Variants in IGDCC4 observed in about 807,000 individuals in gnomAD.
The protein encoded by IGDCC4 is likely ortholog of mouse neighbor of Punc E11.
Under a neutral mutation model 116.6 loss-of-function variants are expected in IGDCC4, and 72 were observed. That is an observed-to-expected ratio of 0.62 (90% CI 0.51 to 0.75). The LOEUF is 0.75. Ranked by LOEUF, IGDCC4 falls within the 30% of genes least tolerant of loss-of-function variation. The pLI is 0.00. For missense variants in IGDCC4, 1,501 were observed against 1,662.4 expected (o/e 0.90, Z 1.69); for synonymous variants, 709 against 719.9 (o/e 0.98, Z 0.24).
rs1477620282 is a variant in IGDCC4, at chr15:65,384,730, G to T, written c.3342+224C>A. Reference sequence around the variant, plus strand: ...CACGGAACTGCTGTGGCCCACTTAGGTCTGGGTAGAGGAGGGGCTGTTTTC... The same window carrying T: ...CACGGAACTGCTGTGGCCCACTTAGTTCTGGGTAGAGGAGGGGCTGTTTTC... On this transcript the variant is annotated intron_variant, in intron 19 of 19. Coordinates refer to ENST00000352385, the MANE Select transcript of IGDCC4 (RefSeq NM_020962.3). The surrounding 1 kb of genome is among the most constrained non-coding windows in gnomAD (Gnocchi z 4.9). 4 of 584,900 alleles carry T rather than the reference G, an allele frequency of 6.8e-6. No homozygotes were observed. The East Asian group carries it at 1.3e-4, about 19-fold the overall frequency. The allele number at this position is 584,900 out of a possible 1,614,324, so 36.2% of individuals were successfully genotyped here. A position where few individuals can be genotyped will look rare whatever the true frequency, so the allele number is the denominator to read the frequency against.
In IGDCC4 at chr15:65,395,271, G is replaced by A. The variant is rs2062912198; in HGVS notation, c.1412-13C>T. ...ACATTGTCCATGCCTGGTGACACGG[G>A]GGACAAGGGGACTGTCATAGTGCCA... On this transcript the variant is annotated splice_polypyrimidine_tract_variant and intron_variant, in intron 7 of 19. Coordinates refer to ENST00000352385, the MANE Select transcript of IGDCC4 (RefSeq NM_020962.3). 6.2e-7 allele frequency: 1 copy of A among 1,601,426 alleles called. No homozygotes were observed. Among genetic ancestry groups the A allele is most frequent in the Non-Finnish European group, 8.5e-7 (1 of 1,170,394 alleles).
intron 12 of IGDCC4, among the ~76,000 whole-genome samples, chr15:65,391,023 G>A (rs1026962788): frequency 3.3e-5 from 5 of 152,032 alleles, no homozygotes; most frequent in South Asian, 2.1e-4. Flanking sequence ...ACCTGAGGTC[G>A]GGAGTTCAAG....
At position 65,410,387 on chromosome 15, in the gene IGDCC4, C is replaced by T. The variant is rs889415471; in HGVS notation, c.422-68G>A. Reference sequence around the variant, plus strand: ...AGAGAGAAGCCACAGCAAGCACAAACAGTGAAACACATCCGCATGGAGACA... The same window carrying T: ...AGAGAGAAGCCACAGCAAGCACAAATAGTGAAACACATCCGCATGGAGACA... On this transcript the variant is annotated intron_variant, in intron 2 of 19. Coordinates refer to ENST00000352385, the MANE Select transcript of IGDCC4 (RefSeq NM_020962.3). 6 of 1,573,650 alleles carry T rather than the reference C, an allele frequency of 3.8e-6. No individual in the cohort carries two copies. The African/African-American group carries it at 8.1e-5, about 21-fold the overall frequency.
chr15:65,412,170 G>T (rs147218238), intron 1 of IGDCC4, among the ~76,000 whole-genome samples: 1 of 152,012 alleles, frequency 6.6e-6, no homozygotes, highest in Non-Finnish European at 1.5e-5. Context: ...AGTGAGCCAC[G>T]ATCACGACAC....
At chr15:65,402,581 A>G in intron 3 of IGDCC4, 94 bp from the exon 4 acceptor site, 1 of 1,468,736 alleles carries the variant, frequency 6.8e-7, no homozygotes, top group African/African-American at 1.4e-5. Flanking sequence ...AAACTCTAAG[A>G]TACCAGGCTG....
At position 65,384,479 on chromosome 15, in the gene IGDCC4, G is replaced by T. The variant is rs991863428; in HGVS notation, c.3343-60C>A. 5.2e-5 allele frequency: 76 copies of T among 1,449,496 alleles called. No individual in the cohort carries two copies. The African/African-American group carries it at 9.9e-4, about 19-fold the overall frequency. 89.8% of individuals were successfully genotyped at this position (1,449,496 alleles called of 1,614,324 possible). A position where few individuals can be genotyped will look rare whatever the true frequency, so the allele number is the denominator to read the frequency against. On this transcript the variant is annotated intron_variant, in intron 19 of 19. Coordinates refer to ENST00000352385, the MANE Select transcript of IGDCC4 (RefSeq NM_020962.3). This position sits in a 1 kb window ranked among gnomAD's most constrained non-coding sequence, Gnocchi z 4.9. ...CATTACTGAGAGTAATCATCAGAATGACCAGCGTACGTGGGGCAGAAAGTC... is the reference window on the plus strand; with the variant it reads ...CATTACTGAGAGTAATCATCAGAATTACCAGCGTACGTGGGGCAGAAAGTC...
chr15:65,421,409 G>A (rs1270855374), intron 1 of IGDCC4, among the ~76,000 whole-genome samples: 1 of 152,172 alleles, frequency 6.6e-6, no homozygotes, highest in Non-Finnish European at 1.5e-5. Context: ...TGACAAGCCA[G>A]GGCCTCCAGC....
chr15:65,385,388 G>A lies in IGDCC4; in HGVS notation c.3181-273C>T, dbSNP rs141138516. 44 of 546,750 alleles carry A rather than the reference G, an allele frequency of 8.0e-5. No homozygotes were observed. The East Asian group carries it at 1.4e-3, about 18-fold the overall frequency. The allele number at this position is 546,750 out of a possible 1,614,324, so 33.9% of individuals were successfully genotyped here. Reference sequence around the variant, plus strand: ...GCCAGGCGGGGAGAGGGTGAGGGAGGACGGGTCGGAGTTGGGTGGGATGTG... The same window carrying A: ...GCCAGGCGGGGAGAGGGTGAGGGAGAACGGGTCGGAGTTGGGTGGGATGTG... On this transcript the variant is annotated intron_variant, in intron 18 of 19. Transcript: ENST00000352385.
intron 5 of IGDCC4, among the ~76,000 whole-genome samples, chr15:65,399,045 C>A (rs112347853): frequency 0.016 from 2,505 of 152,162 alleles, 37 homozygotes; most frequent in Non-Finnish European, 0.024. Context: ...TCCGGGACAG[C>A]AATTCTCAAA....
In IGDCC4 at chr15:65,414,840, C is replaced by G. The variant is rs145906861; in HGVS notation, c.71-3470G>C. On this transcript the variant is annotated intron_variant, in intron 1 of 19. Coordinates refer to ENST00000352385, the MANE Select transcript of IGDCC4 (RefSeq NM_020962.3). ...TATTCTTAGTAGAGACAGGGTTTCA[C>G]CATTTTGGCCAGGCTGGTCTTGAAC... 3.2e-3 allele frequency among the ~76,000 whole-genome samples: 484 copies of G among 152,300 alleles called. 1 individual carries two copies. The highest frequency in any genetic ancestry group is 0.011 in the African/African-American group (466 of 41,542).
rs764555515 is a variant in IGDCC4 at position 65,395,822 on chromosome 15, C to G, written c.1339G>C (p.Val447Leu). 35 of 1,523,968 alleles carry G rather than the reference C, an allele frequency of 2.3e-5. No homozygotes were observed. Among genetic ancestry groups the G allele is most frequent in the Non-Finnish European group, 2.8e-5 (32 of 1,134,496 alleles). The allele number at this position is 1,523,968 out of a possible 1,614,324, so 94.4% of individuals were successfully genotyped here. Residue 447 changes from valine (V) to leucine (L), a missense_variant, in exon 7 of 20, where the codon GTG becomes CTG. Transcript: ENST00000352385. ...TGCATCTCGGGCCGCTCCCAGGCCA[C>G]CAACACAGCGGAGCTGCTCAGTGGC... ...ATPLSSSAVL[V>L]AWERPEMHSE...
intron 6 of IGDCC4, 52 bp from the exon 7 acceptor site, chr15:65,396,215 T>TGGG: frequency 1.5e-6 from 2 of 1,319,016 alleles, no homozygotes; most frequent in Non-Finnish European, 1.9e-6. Context: ...CTAAGGTCTC[T>TGGG]GCCCCCCCCC....
chr15:65,395,888 G>C lies in IGDCC4; in HGVS notation c.1273C>G (p.Arg425Gly), dbSNP rs781015651. Residue 425 changes from arginine (R) to glycine (G), a missense_variant, in exon 7 of 20, where the codon CGC becomes GGC. This residue lies in a region of IGDCC4 where 898 missense variants were observed against 978.9 expected (regional missense o/e 0.92). Coordinates refer to ENST00000352385, the MANE Select transcript of IGDCC4 (RefSeq NM_020962.3). Reference protein sequence around the residue: ...CAAASLAVVVREGLPSAPTRV... With the variant: ...CAAASLAVVVGEGLPSAPTRV... ...GTGGGGGCGCTGGGCAGCCCCTCGC[G>C]CACCACCACGGCCAGCGACGCGGCA... 3 of 1,588,258 alleles carry C rather than the reference G, an allele frequency of 1.9e-6. No individual in the cohort carries two copies. Among genetic ancestry groups the C allele is most frequent in the East Asian group, 4.5e-5 (2 of 44,148 alleles).
rs371134708 is a variant in IGDCC4 at position 65,402,395 on chromosome 15, C to T, written c.656G>A (p.Arg219His). 6.0e-5 allele frequency: 95 copies of T among 1,571,462 alleles called. No individual in the cohort carries two copies. The highest frequency in any genetic ancestry group is 2.6e-4 in the East Asian group (11 of 42,862). The change falls in exon 4 of 20, where the codon CGC (arginine) becomes CAC (histidine). Residue 219 changes from arginine to histidine, a missense_variant. Physicochemically the swap from Arg to His is conservative, Grantham distance 29. Coordinates refer to ENST00000352385, the MANE Select transcript of IGDCC4 (RefSeq NM_020962.3). The part of the protein sequence containing the change: ...PYRCVATNSA[R>H]QHFSQEALLS... ...TAGGGCCTCCTGGCTGAAGTGCTGG[C>T]GAGCTGAGTTGGTGGCCACGCAGCG...
intron 1 of IGDCC4, 36 bp downstream of exon 1, chr15:65,422,757 G>A (rs1231025112): frequency 2.3e-6 from 3 of 1,328,078 alleles, no homozygotes; most frequent in South Asian, 3.6e-5. Flanking sequence ...CCAGCACTCC[G>A]CAGTCGCTCC....
In IGDCC4 at chr15:65,400,821, A is replaced by G; in HGVS notation, c.826T>C (p.Ser276Pro). The change falls in exon 5 of 20, where the codon TCC becomes CCC. Residue 276 changes from serine to proline, a missense_variant. Around this residue, in one of 3 missense-constraint regions of IGDCC4, gnomAD observed 898 missense variants for 978.9 expected, o/e 0.92. Coordinates refer to ENST00000352385, the MANE Select transcript of IGDCC4 (RefSeq NM_020962.3). Reference protein sequence around the residue: ...VASADPTPFVSWVRQDGKPIS... With the variant: ...VASADPTPFVPWVRQDGKPIS... ...CTCCACTCACCTTGTCGGACCCAGG[A>G]CACAAAAGGGGTGGGGTCAGCTGAG... The G allele has an allele frequency of 1.2e-6, 2 of 1,607,200 alleles. No homozygotes were observed.
chr15:65,407,276 C>T (rs2063048690), intron 3 of IGDCC4, among the ~76,000 whole-genome samples: 1 of 143,976 alleles, frequency 6.9e-6, no homozygotes, highest in Non-Finnish European at 1.5e-5. Context: ...AACATAATCC[C>T]ATTTTTGTTT....
Position 65,386,024 on chromosome 15 carries a change from G to A in IGDCC4, c.2987C>T (p.Pro996Leu). Residue 996 changes from proline (P) to leucine (L), a missense_variant, in exon 18 of 20, where the codon CCC becomes CTC. By Grantham distance (98) the Pro-to-Leu change is moderately conservative (BLOSUM62 -3). This residue lies in a region of IGDCC4 where 368 missense variants were observed against 355.6 expected (regional missense o/e 1.03). Coordinates refer to ENST00000352385, the MANE Select transcript of IGDCC4 (RefSeq NM_020962.3). ...TCTGGAGTACAGCGCGGGATTCCCG[G>A]GGGTGGCGGTGGAGGACAGGCCTGG... is the stretch of plus-strand genomic sequence containing the variant. ...SLPGLSSTAT[P>L]GNPALYSRAR... is the part of the protein sequence containing the mutation. 1 of 1,554,208 alleles carries A rather than the reference G, an allele frequency of 6.4e-7. No individual in the cohort carries two copies. The highest frequency in any genetic ancestry group is 8.7e-7 in the Non-Finnish European group (1 of 1,154,254).
Position 65,382,406 on chromosome 15 carries a change from T to TAAAAAAAAAAAAAAAAAAA in IGDCC4, c.*1584_*1602dup, listed in dbSNP as rs754941677. ...CTGTGCTGAGAGACATTCCACCATT[T>TAAAAAAAAAAAAAAAAAAA]AAAAAAAAAAAAAAAAAAAAGGAAA... On this transcript the variant is annotated 3_prime_UTR_variant, in exon 20 of 20. Transcript: ENST00000352385. 8.0e-6 allele frequency: 1 copy of TAAAAAAAAAAAAAAAAAAA among 124,884 alleles called. No homozygotes were observed. The allele number at this position is 124,884 out of a possible 1,614,324, so 7.7% of individuals were successfully genotyped here. A position where few individuals can be genotyped will look rare whatever the true frequency, so the allele number is the denominator to read the frequency against.
Sources: allele counts gnomAD v4.1 joint callset (sites outside exome capture counted in the v4.1 genomes callset), GRCh38; gene constraint gnomAD v4.1.1; regional missense constraint gnomAD v4.1.1; non-coding constraint Gnocchi (gnomAD v3.1); transcripts MANE v1.5; gene names NCBI Gene and HGNC (gene_info 2026-07-23, HGNC 2026-07-21).